The following ACOX3 variants were observed in gnomAD, a reference collection of about 807,000 sequenced individuals.
The protein encoded by ACOX3 is acyl-CoA oxidase 3, pristanoyl.
Under a neutral mutation model 81.5 loss-of-function variants are expected in ACOX3, and 73 were observed. The observed-to-expected ratio is 0.90, with a 90% confidence interval of 0.74 to 1.09. The LOEUF is 1.09. Ranked by LOEUF, ACOX3 falls within the 50% of genes least tolerant of loss-of-function variation. ACOX3 has a pLI of 0.00. For missense variants in ACOX3, 947 were observed against 928.0 expected, an observed-to-expected ratio of 1.02 and a Z score of -0.27; for synonymous variants, 387 against 375.1, an observed-to-expected ratio of 1.03 and a Z score of -0.37.
At chr4:8,429,767 C>A (rs1723842426) in intron 1 of ACOX3, among the ~76,000 whole-genome samples, 1 of 152,132 alleles carries the variant, frequency 6.6e-6, no homozygotes. Context: ...AGCAATTTGC[C>A]ATGTAAAGAA....
chr4:8,359,670 G>A, the ACOX3 span, among the ~76,000 whole-genome samples: 1 of 152,150 alleles, frequency 6.6e-6, no homozygotes, highest in Non-Finnish European at 1.5e-5. This position sits in a 1 kb window ranked among gnomAD's most constrained non-coding sequence, Gnocchi z 6.0. Context: ...GGGACTGCTG[G>A]AAAAGATCCC....
rs12506061 is a variant in ACOX3 at position 8,401,409 on chromosome 4, C to A, written c.777-1757G>T. ...TCTTCCTTGAGTCCTGCTCAGGATG[C>A]CCCCACACCCCCATTGTCACCCGGT... On this transcript the variant is annotated intron_variant, in intron 7 of 17. Coordinates refer to ENST00000356406, the MANE Select transcript of ACOX3 (RefSeq NM_003501.3). Among the ~76,000 whole-genome samples, 1,347 of 152,266 alleles carry A rather than the reference C, an allele frequency of 8.8e-3. 7 individuals are homozygous for A. The highest frequency in any genetic ancestry group is 0.034 in the South Asian group (165 of 4,822).
In ACOX3 at chr4:8,397,100, C is replaced by A; in HGVS notation, c.893G>T (p.Gly298Val). The A allele has an allele frequency of 6.4e-7, 1 of 1,566,012 alleles. No homozygotes were observed. The change falls in exon 9 of 18, where the codon GGA becomes GTA. Residue 298 changes from glycine (G) to valine (V), a missense_variant. By Grantham distance (109) the Gly-to-Val change is moderately radical. Coordinates refer to ENST00000356406, the MANE Select transcript of ACOX3 (RefSeq NM_003501.3). Reference sequence around the variant, plus strand: ...CGAGGACAGGCTCCCCAGGGACGCTCCAAAGCGCTGCCTGACGTCCTACGG... The same window carrying A: ...CGAGGACAGGCTCCCCAGGGACGCTACAAAGCGCTGCCTGACGTCCTACGG... ...SPFKDVRQRF[G>V]ASLGSLSSGR...
chr4:8,392,187 G>C, intron 11 of ACOX3, 146 bp downstream of exon 11: 1 of 1,036,590 alleles, frequency 9.6e-7, no homozygotes, highest in East Asian at 2.8e-5. Context: ...AACGGGGGTG[G>C]CTGGCTGTGT....
chr4:8,432,385 C>G lies in ACOX3; in HGVS notation c.-15+8263G>C, dbSNP rs1367265584. Among the ~76,000 whole-genome samples, 8 of 152,154 alleles carry G rather than the reference C, an allele frequency of 5.3e-5. No homozygotes were observed. Among genetic ancestry groups the G allele is most frequent in the Admixed American group, 5.2e-4 (8 of 15,282 alleles). On this transcript the variant is annotated intron_variant, in intron 1 of 17. Coordinates refer to ENST00000356406, the MANE Select transcript of ACOX3 (RefSeq NM_003501.3). The surrounding 1 kb of genome is among the most constrained non-coding windows in gnomAD (Gnocchi z 6.2). ...AGTAGCTGGGACTACAGGCGCCCAC[C>G]ACCACGCCCGGCTAATTTTTTGTAT...
At chr4:8,361,742 G>A (rs976884149), downstream of ACOX3, among the ~76,000 whole-genome samples, 8 of 152,156 alleles carry the variant, frequency 5.3e-5, no homozygotes, top group Non-Finnish European at 1.0e-4. Context: ...GAACACATTT[G>A]TCTATAAGAT....
the ACOX3 span, chr4:8,357,281 G>C: frequency 2.2e-6 from 1 of 456,630 alleles, no homozygotes; most frequent in South Asian, 1.5e-5. Flanking sequence ...GGGCCCTCGA[G>C]GGGAATGCAG....
At chr4:8,380,405 G>A (rs1717491372) in intron 14 of ACOX3, among the ~76,000 whole-genome samples, 1 of 152,082 alleles carries the variant, frequency 6.6e-6, no homozygotes, top group East Asian at 1.9e-4. Context: ...TAGCCAGGAT[G>A]GTCTTGATCT....
intron 13 of ACOX3, among the ~76,000 whole-genome samples, chr4:8,383,822 T>C (rs561937446): frequency 1.3e-5 from 2 of 152,220 alleles, no homozygotes; most frequent in African/African-American, 4.8e-5. Context: ...CTCTGCAACA[T>C]CCCAAGCTCT....
intron 17 of ACOX3, 137 bp from the exon 18 acceptor site, chr4:8,367,217 C>A: frequency 8.5e-7 from 1 of 1,180,050 alleles, no homozygotes; most frequent in Non-Finnish European, 1.2e-6. Flanking sequence ...CAGTGGCTCA[C>A]GCCCGTAATC....
intron 14 of ACOX3, among the ~76,000 whole-genome samples, chr4:8,375,956 A>C (rs1209800107): frequency 6.6e-6 from 1 of 152,150 alleles, no homozygotes; most frequent in African/African-American, 2.4e-5. Context: ...TGCTATTGTG[A>C]ATAGCGCTGC....
At chr4:8,404,290 C>T (rs1354890056) in intron 7 of ACOX3, among the ~76,000 whole-genome samples, 5 of 152,180 alleles carry the variant, frequency 3.3e-5, no homozygotes, top group South Asian at 2.1e-4. Context: ...AACTGACAGC[C>T]GCAGGTCGGG....
Position 8,431,520 on chromosome 4 carries a change from CTG to C in ACOX3, c.-15+9126_-15+9127del, listed in dbSNP as rs1232233502. Among the ~76,000 whole-genome samples, 2 of 152,224 alleles carry C rather than the reference CTG, an allele frequency of 1.3e-5. No individual in the cohort carries two copies. Among genetic ancestry groups the C allele is most frequent in the Non-Finnish European group, 2.9e-5 (2 of 68,046 alleles). On this transcript the variant is annotated intron_variant, in intron 1 of 17. Transcript: ENST00000356406. The surrounding 1 kb of genome is among the most constrained non-coding windows in gnomAD (Gnocchi z 5.3). ...AGAGAGGAAGGGGTCGTGCTACACT[CTG>C]TTGTATTTGGGACCTGGGTGGATGG...
Position 8,399,577 on chromosome 4 carries a change from G to A in ACOX3, c.852C>T (p.Gly284=), listed in dbSNP as rs776255030. ...LNRMGDVTPE[G]TYVSPFKDVR... The stretch of plus-strand genomic sequence containing the variant: ...GTACCTTAAAGGGGCTGACATAGGT[G>A]CCCTCGGGGGTGACGTCTCCCATCC... The change falls in exon 8 of 18, where the codon GGC becomes GGT. Residue 284 remains glycine, a synonymous_variant. Transcript: ENST00000356406. This position sits in a 1 kb window ranked among gnomAD's most constrained non-coding sequence, Gnocchi z 4.9. The A allele has an allele frequency of 1.9e-6, 3 of 1,613,918 alleles. No individual in the cohort carries two copies. In the South Asian group the frequency reaches 3.3e-5, roughly 18 times the overall value.
At chr4:8,440,445 C>A (rs1183871877) in intron 1 of ACOX3, among the ~76,000 whole-genome samples, 1 of 152,206 alleles carries the variant, frequency 6.6e-6, no homozygotes, top group East Asian at 1.9e-4. Flanking sequence ...TAAAAGCAAA[C>A]CAGAACCCAA....
chr4:8,364,431 T>C (rs1416617095), downstream of ACOX3, among the ~76,000 whole-genome samples: 1 of 152,200 alleles, frequency 6.6e-6, no homozygotes, highest in African/African-American at 2.4e-5. The surrounding 1 kb of genome is among the most constrained non-coding windows in gnomAD (Gnocchi z 5.0). Context: ...CAGGTGGATA[T>C]GAAAATGCAA....
intron 1 of ACOX3, chr4:8,428,307 C>T (rs1158959247): frequency 6.5e-6 from 1 of 152,818 alleles, no homozygotes; most frequent in African/African-American, 2.4e-5. Flanking sequence ...CAGCCTCCAC[C>T]TTCGGGCTCC....
intron 16 of ACOX3, 37 bp from the exon 17 acceptor site, chr4:8,371,031 C>A (rs555611596): frequency 3.8e-6 from 6 of 1,598,476 alleles, no homozygotes; most frequent in Admixed American, 1.7e-5. Context: ...TGGCACCTCC[C>A]GGGAATTTCC....
chr4:8,414,437 CCA>C lies in ACOX3; in HGVS notation c.454-58_454-57del. 6.9e-7 allele frequency: 1 copy of C among 1,453,810 alleles called. No individual in the cohort carries two copies. Among genetic ancestry groups the C allele is most frequent in the Non-Finnish European group, 9.7e-7 (1 of 1,035,258 alleles). The allele number at this position is 1,453,810 out of a possible 1,614,324, so 90.1% of individuals were successfully genotyped here. A position where few individuals can be genotyped will look rare whatever the true frequency, so the allele number is the denominator to read the frequency against. On this transcript the variant is annotated intron_variant, in intron 4 of 17. Transcript: ENST00000356406. This position sits in a 1 kb window ranked among gnomAD's most constrained non-coding sequence, Gnocchi z 6.1. Reference sequence around the variant, plus strand: ...CAAGAAAAGTTCTTTGTGCACATTCCCAGAAGGACCTCACTGCCATCTTTCCT... The same window carrying C: ...CAAGAAAAGTTCTTTGTGCACATTCCGAAGGACCTCACTGCCATCTTTCCT...
Sources: allele counts gnomAD v4.1 joint callset (sites outside exome capture counted in the v4.1 genomes callset), GRCh38; gene constraint gnomAD v4.1.1; non-coding constraint Gnocchi (gnomAD v3.1); transcripts MANE v1.5; gene names NCBI Gene and HGNC (gene_info 2026-07-23, HGNC 2026-07-21).